VPS13B: variants seen among roughly 807,000 people sequenced by gnomAD.
VPS13B encodes the protein intermembrane lipid transfer protein VPS13B.
Under a neutral mutation model 426.4 loss-of-function variants are expected in VPS13B, and 285 were observed. The ratio of observed to expected loss-of-function variants is 0.67; its 90% CI spans 0.61 to 0.74. VPS13B has a LOEUF of 0.74. VPS13B is among the 30% of genes least tolerant of loss of function. VPS13B has a pLI of 0.00. For synonymous variants in VPS13B, 1,676 were observed against 1,676.4 expected (o/e 1.00, Z 0.01); for missense variants, 4,537 against 4,782.6 (o/e 0.95, Z 1.51).
chr8:99,311,119 A>G (rs1820945980), intron 19 of VPS13B, among the ~76,000 whole-genome samples: 1 of 152,136 alleles, frequency 6.6e-6, no homozygotes, highest in Admixed American at 6.5e-5. Flanking sequence ...TCAAAAAACC[A>G]GGTCCTGGAT....
intron 21 of VPS13B, among the ~76,000 whole-genome samples, chr8:99,401,832 C>T (rs1815055340): frequency 6.6e-6 from 1 of 152,040 alleles, no homozygotes; most frequent in Non-Finnish European, 1.5e-5. Context: ...CGCCACTGCA[C>T]CCAACCTGGG....
At chr8:99,833,306 TC>T (rs1815189706) in intron 52 of VPS13B, among the ~76,000 whole-genome samples, 2 of 152,196 alleles carry the variant, frequency 1.3e-5, no homozygotes, top group Non-Finnish European at 1.5e-5. Flanking sequence ...ATGTAAAATG[TC>T]CCTTCTGCAG....
At chr8:99,809,278 A>G in intron 43 of VPS13B, 97 bp from the exon 44 acceptor site, 1 of 1,498,882 alleles carries the variant, frequency 6.7e-7, no homozygotes, top group Non-Finnish European at 9.2e-7. Flanking sequence ...GCAAAATATT[A>G]CAAATGGAAA....
At chr8:99,050,198 C>A (rs1259248168) in intron 3 of VPS13B, among the ~76,000 whole-genome samples, 1 of 151,800 alleles carries the variant, frequency 6.6e-6, no homozygotes, top group Non-Finnish European at 1.5e-5. Context: ...CCCCACCACA[C>A]AACAGGCCCT....
chr8:99,706,537 A>G (rs1315268414), intron 36 of VPS13B, among the ~76,000 whole-genome samples: 1 of 152,186 alleles, frequency 6.6e-6, no homozygotes, highest in Non-Finnish European at 1.5e-5. Flanking sequence ...TAGTCATTAT[A>G]GTCTTCCATG....
At chr8:99,598,911 CA>C (rs900108438) in intron 33 of VPS13B, among the ~76,000 whole-genome samples, 18 of 146,636 alleles carry the variant, frequency 1.2e-4, no homozygotes, top group Non-Finnish European at 1.4e-4. Flanking sequence ...ATCTCATTTG[CA>C]AAAAAAAAAT....
At chr8:99,835,850 TGTGTG>T in intron 54 of VPS13B, 112 bp downstream of exon 54, 2 of 1,098,112 alleles carry the variant, frequency 1.8e-6, no homozygotes, top group Non-Finnish European at 2.7e-6. Context: ...ATCTTTTCTC[TGTGTG>T]AGAGAACATG....
intron 58 of VPS13B, among the ~76,000 whole-genome samples, chr8:99,867,846 C>G (rs1817184538): frequency 6.6e-6 from 1 of 152,068 alleles, no homozygotes; most frequent in Non-Finnish European, 1.5e-5. Context: ...TCATTATTAT[C>G]AAAAGTGGAG....
intron 17 of VPS13B, among the ~76,000 whole-genome samples, chr8:99,194,967 T>C (rs1271302364): frequency 1.3e-5 from 2 of 152,138 alleles, no homozygotes; most frequent in African/African-American, 4.8e-5. Flanking sequence ...TGCCTCAGCC[T>C]CCCGAGTAGC....
chr8:99,248,111 A>T (rs1344034908), intron 17 of VPS13B, among the ~76,000 whole-genome samples: 4 of 152,220 alleles, frequency 2.6e-5, no homozygotes, highest in Non-Finnish European at 5.9e-5. Flanking sequence ...CCAGTGCTCT[A>T]ACCAGATAAA....
At chr8:99,843,385 CATTA>C (rs1208555426) in intron 54 of VPS13B, among the ~76,000 whole-genome samples, 2 of 152,264 alleles carry the variant, frequency 1.3e-5, no homozygotes, top group African/African-American at 2.4e-5. Context: ...GGCCATCAGT[CATTA>C]ATTATTTTTT....
chr8:99,313,200 A>G (rs1821111278), intron 19 of VPS13B, among the ~76,000 whole-genome samples: 1 of 152,062 alleles, frequency 6.6e-6, no homozygotes, highest in South Asian at 2.1e-4. Context: ...GCTTTGTTCC[A>G]TTGCTGGTGA....
chr8:99,189,321 A>G (rs571081201), intron 16 of VPS13B, among the ~76,000 whole-genome samples: 36 of 152,340 alleles, frequency 2.4e-4, no homozygotes, highest in Middle Eastern at 3.4e-3. Context: ...TGTTGTAAAC[A>G]GGGTAGGAAG....
chr8:99,416,989 G>A (rs539623059), intron 21 of VPS13B, among the ~76,000 whole-genome samples: 1 of 152,150 alleles, frequency 6.6e-6, no homozygotes, highest in South Asian at 2.1e-4. Flanking sequence ...CTAGGGCAGG[G>A]ATTGTGTCAT....
chr8:99,372,603 A>G (rs1455570546), intron 19 of VPS13B, among the ~76,000 whole-genome samples: 1 of 152,198 alleles, frequency 6.6e-6, no homozygotes, highest in Admixed American at 6.5e-5. Flanking sequence ...GCAAATCAAA[A>G]CCACAGTGAG....
intron 17 of VPS13B, among the ~76,000 whole-genome samples, chr8:99,236,336 G>A (rs1479392905): frequency 1.3e-5 from 2 of 151,504 alleles, no homozygotes; most frequent in Non-Finnish European, 2.9e-5. Context: ...TGCAACCTCC[G>A]CTTCCCAGGT....
chr8:99,779,710 C>G (rs1393211570), intron 42 of VPS13B, among the ~76,000 whole-genome samples: 2 of 152,108 alleles, frequency 1.3e-5, no homozygotes, highest in African/African-American at 4.8e-5. Context: ...TCTGCTAGCA[C>G]AAAAGTAACT....
chr8:99,185,492 T>C (rs1395079694), intron 16 of VPS13B, among the ~76,000 whole-genome samples: 1 of 152,206 alleles, frequency 6.6e-6, no homozygotes, highest in East Asian at 1.9e-4. Flanking sequence ...GTACTCATTT[T>C]ATTTTGGAAA....
chr8:99,366,230 T>C (rs185499330), intron 19 of VPS13B, among the ~76,000 whole-genome samples: 1 of 152,190 alleles, frequency 6.6e-6, no homozygotes, highest in Non-Finnish European at 1.5e-5. Context: ...GGGGTCTATC[T>C]TTCTAGCTCT....
Sources: allele counts gnomAD v4.1 joint callset (sites outside exome capture counted in the v4.1 genomes callset), GRCh38; gene constraint gnomAD v4.1.1; transcripts MANE v1.5; gene names NCBI Gene and HGNC (gene_info 2026-07-23, HGNC 2026-07-21).